Variants in MTCL2 observed in about 807,000 individuals in gnomAD.
MTCL2 encodes microtubule cross-linking factor 2.
chr20:36,836,553 A>C, the MTCL2 span, among the ~76,000 whole-genome samples: 17 of 151,938 alleles, frequency 1.1e-4, no homozygotes, highest in African/African-American at 4.1e-4. Context: ...CATGTTGGCC[A>C]GGCTGGTCTC....
the MTCL2 span, chr20:36,863,187 C>T: frequency 1.6e-6 from 2 of 1,248,718 alleles, no homozygotes; most frequent in Admixed American, 4.2e-5. This position sits in a 1 kb window ranked among gnomAD's most constrained non-coding sequence, Gnocchi z 6.2. Context: ...CGGGCCTGGG[C>T]CGCGGCGGCC....
the MTCL2 span, among the ~76,000 whole-genome samples, chr20:36,854,425 G>A: frequency 0.035 from 5,324 of 152,228 alleles, 357 homozygotes; most frequent in African/African-American, 0.12. Flanking sequence ...AGCTGCTGCT[G>A]GGGCTGAGCG....
chr20:36,849,046 A>G, the MTCL2 span, among the ~76,000 whole-genome samples: 3 of 88,760 alleles, frequency 3.4e-5, no homozygotes, highest in Non-Finnish European at 7.1e-5. Flanking sequence ...CTGTGTTTCA[A>G]TATAGTTGGT....
the MTCL2 span, among the ~76,000 whole-genome samples, chr20:36,824,944 T>TG: frequency 9.0e-6 from 1 of 111,108 alleles, no homozygotes; most frequent in Non-Finnish European, 2.0e-5. Flanking sequence ...AATTGTACAC[T>TG]TTTTTTTTTT....
the MTCL2 span, chr20:36,815,783 C>A: frequency 6.3e-7 from 1 of 1,591,510 alleles, no homozygotes; most frequent in Non-Finnish European, 8.6e-7. This position sits in a 1 kb window ranked among gnomAD's most constrained non-coding sequence, Gnocchi z 5.3. Flanking sequence ...GCGCCACGTC[C>A]AGCTCGTGCT....
At chr20:36,797,656 C>T in the MTCL2 span, 1 of 1,295,320 alleles carries the variant, frequency 7.7e-7, no homozygotes, top group East Asian at 2.6e-5. Context: ...ATTCCCCAGA[C>T]TCCACTCTGC....
chr20:36,782,251 C>T, the MTCL2 span: 1 of 152,206 alleles, frequency 6.6e-6, no homozygotes, highest in East Asian at 1.9e-4. Context: ...CTCTGGAATA[C>T]ACAAGGCTCA....
At chr20:36,829,111 G>C in the MTCL2 span, 1 of 1,572,202 alleles carries the variant, frequency 6.4e-7, no homozygotes, top group Non-Finnish European at 8.6e-7. Context: ...CAGTCTCGAT[G>C]AGCCGCTGAC....
chr20:36,844,792 G>A, the MTCL2 span, among the ~76,000 whole-genome samples: 11 of 151,920 alleles, frequency 7.2e-5, no homozygotes, highest in South Asian at 2.1e-4. Context: ...AGACCGAGGC[G>A]GGCGGACCAT....
the MTCL2 span, among the ~76,000 whole-genome samples, chr20:36,795,052 T>C: frequency 6.6e-6 from 1 of 152,034 alleles, no homozygotes. Flanking sequence ...GATTCTCCTG[T>C]CTCAGCATCC....
the MTCL2 span, chr20:36,793,142 C>T: frequency 1.1e-5 from 14 of 1,326,274 alleles, no homozygotes; most frequent in South Asian, 4.6e-5. The surrounding 1 kb of genome is among the most constrained non-coding windows in gnomAD (Gnocchi z 6.8). Context: ...TGATCTCAGG[C>T]GATCCACCCA....
At chr20:36,825,656 C>A in the MTCL2 span, among the ~76,000 whole-genome samples, 3 of 152,328 alleles carry the variant, frequency 2.0e-5, no homozygotes, top group East Asian at 5.8e-4. Flanking sequence ...GGTGACAGCA[C>A]CACCTCGGCA....
the MTCL2 span, chr20:36,804,812 C>G: frequency 6.2e-7 from 1 of 1,613,864 alleles, no homozygotes; most frequent in Non-Finnish European, 8.5e-7. Flanking sequence ...TGCTGAAGCT[C>G]CGTCAGACCA....
chr20:36,806,079 G>A, the MTCL2 span: 213 of 684,750 alleles, frequency 3.1e-4, no homozygotes, highest in Non-Finnish European at 3.6e-4. Flanking sequence ...AGCCTCCCAC[G>A]ACATCTATTC....
chr20:36,847,363 A>G, the MTCL2 span, among the ~76,000 whole-genome samples: 8 of 152,204 alleles, frequency 5.3e-5, no homozygotes, highest in Admixed American at 6.5e-5. Context: ...CTCTGATTCA[A>G]ACCCCACACT....
At chr20:36,813,950 G>T in the MTCL2 span, among the ~76,000 whole-genome samples, 1 of 152,114 alleles carries the variant, frequency 6.6e-6, no homozygotes, top group South Asian at 2.1e-4. Flanking sequence ...CCTCTGATCT[G>T]AGCTGTGTCT....
At chr20:36,847,689 A>AC in the MTCL2 span, among the ~76,000 whole-genome samples, 1 of 152,110 alleles carries the variant, frequency 6.6e-6, no homozygotes, top group Non-Finnish European at 1.5e-5. Flanking sequence ...CCCCATCTCT[A>AC]CAAAAAAATT....
chr20:36,850,771 C>T, the MTCL2 span, among the ~76,000 whole-genome samples: 1 of 152,186 alleles, frequency 6.6e-6, no homozygotes, highest in African/African-American at 2.4e-5. Flanking sequence ...AAATTTTCTC[C>T]TGTTTAAAAT....
chr20:36,806,633 C>A, the MTCL2 span, among the ~76,000 whole-genome samples: 2 of 152,064 alleles, frequency 1.3e-5, no homozygotes, highest in African/African-American at 4.8e-5. Flanking sequence ...GATTCTCTTG[C>A]TTCAGGCTCC....
Sources: gnomAD v4.1 joint callset for allele counts (sites outside exome capture counted in the v4.1 genomes callset) on GRCh38, gnomAD v4.1.1 for gene constraint, Gnocchi (gnomAD v3.1) non-coding constraint, MANE v1.5 for transcripts, NCBI Gene and HGNC (gene_info 2026-07-23, HGNC 2026-07-21) for gene names.